The following FOCAD variants were observed in gnomAD, a reference collection of about 807,000 sequenced individuals.
FOCAD encodes KIAA1797.
In FOCAD, 198 loss-of-function variants were observed where a neutral mutation model predicts 225.6. The ratio of observed to expected loss-of-function variants is 0.88; its 90% CI spans 0.78 to 0.99. FOCAD has a LOEUF of 0.99. Ranked by LOEUF, FOCAD falls within the 50% of genes least tolerant of loss-of-function variation. The pLI is 0.00. For synonymous variants in FOCAD, 897 were observed against 755.0 expected (o/e 1.19, Z -3.08); for missense variants, 2,713 against 2,123.6 (o/e 1.28, Z -5.46).
At chr9:20,871,635 C>T (rs1017300886) in intron 18 of FOCAD, among the ~76,000 whole-genome samples, 2 of 149,930 alleles carry the variant, frequency 1.3e-5, no homozygotes, top group Non-Finnish European at 3.0e-5. Flanking sequence ...TCCCAAATAA[C>T]CTATGGAAAT....
chr9:20,863,695 G>A (rs1587437235), intron 16 of FOCAD: 2 of 152,184 alleles, frequency 1.3e-5, no homozygotes, highest in South Asian at 4.1e-4. Context: ...TATGGCTGCA[G>A]TTCACAGGCA....
At chr9:20,670,779 G>T (rs940400534) in intron 2 of FOCAD, among the ~76,000 whole-genome samples, 1 of 152,098 alleles carries the variant, frequency 6.6e-6, no homozygotes, top group Non-Finnish European at 1.5e-5. Flanking sequence ...TCACAGAGTT[G>T]GTTAACGTCT....
intron 2 of FOCAD, among the ~76,000 whole-genome samples, chr9:20,679,136 T>TGA (rs2131295343): frequency 1.2e-5 from 1 of 85,052 alleles, no homozygotes; most frequent in East Asian, 2.9e-4. Flanking sequence ...TGTGTGTGTG[T>TGA]GTGTGTGTGT....
intron 35 of FOCAD, among the ~76,000 whole-genome samples, chr9:20,967,445 G>C (rs75338369): frequency 0.018 from 2,794 of 151,994 alleles, 95 homozygotes; most frequent in African/African-American, 0.061. Context: ...CTCTATATAG[G>C]ATCATATCAT....
chr9:20,970,459 T>C (rs2132536592), intron 35 of FOCAD, among the ~76,000 whole-genome samples: 1 of 152,246 alleles, frequency 6.6e-6, no homozygotes, highest in South Asian at 2.1e-4. Flanking sequence ...AAGTCTGCTA[T>C]TTAATCCCTC....
At chr9:20,811,527 A>G (rs1332570618) in intron 11 of FOCAD, among the ~76,000 whole-genome samples, 1 of 152,020 alleles carries the variant, frequency 6.6e-6, no homozygotes, top group Non-Finnish European at 1.5e-5. Flanking sequence ...CCTTGACCTT[A>G]TTTGACTCTT....
intron 35 of FOCAD, among the ~76,000 whole-genome samples, chr9:20,972,483 GCT>G (rs1839851981): frequency 6.6e-6 from 1 of 151,584 alleles, no homozygotes; most frequent in African/African-American, 2.4e-5. Flanking sequence ...ATTTTTATAT[GCT>G]CTCTTTTTTT....
At chr9:20,717,262 C>T (rs1825411916) in intron 2 of FOCAD, among the ~76,000 whole-genome samples, 1 of 152,152 alleles carries the variant, frequency 6.6e-6, no homozygotes, top group Non-Finnish European at 1.5e-5. Flanking sequence ...CAGTTATTCA[C>T]AGCTATACCG....
At chr9:20,717,938 T>G (rs937703350) in intron 3 of FOCAD, 70 bp downstream of exon 3, 16 of 1,188,600 alleles carry the variant, frequency 1.3e-5, no homozygotes, top group Non-Finnish European at 1.9e-5. Context: ...CATATGCACC[T>G]GTCTTGTTTC....
chr9:20,741,116 A>G (rs748975827), intron 5 of FOCAD, among the ~76,000 whole-genome samples: 1 of 152,210 alleles, frequency 6.6e-6, no homozygotes, highest in Non-Finnish European at 1.5e-5. Flanking sequence ...AAAGAAGGGC[A>G]TTGATTCATG....
intron 5 of FOCAD, among the ~76,000 whole-genome samples, chr9:20,743,536 G>C (rs1034151585): frequency 1.3e-5 from 2 of 152,154 alleles, no homozygotes; most frequent in African/African-American, 4.8e-5. Context: ...GTTAGGCGGT[G>C]GTTTCCCTTA....
At chr9:20,734,229 C>G (rs770229708) in intron 4 of FOCAD, among the ~76,000 whole-genome samples, 4 of 152,024 alleles carry the variant, frequency 2.6e-5, no homozygotes, top group Non-Finnish European at 4.4e-5. Flanking sequence ...TGGAAGGACT[C>G]AGGGCTAATA....
At chr9:20,753,014 C>G (rs1258852541) in intron 5 of FOCAD, among the ~76,000 whole-genome samples, 2 of 151,568 alleles carry the variant, frequency 1.3e-5, no homozygotes, top group Admixed American at 6.6e-5. Flanking sequence ...GATTTTGTAT[C>G]CTGAGACTTT....
rs1467983088 is a variant in FOCAD at position 20,720,446 on chromosome 9, T to C, written c.199T>C (p.Cys67Arg). ...CAATGTAGTGGTTCGAACAGCCTGC[T>C]GTGAAGGTCTGGTGGCACTCGTTGC... ...SDNVVVRTAC[C>R]EGLVALVAQD... is the part of the protein sequence containing the mutation. The change falls in exon 4 of 44, where the codon TGT (cysteine) becomes CGT (arginine). Residue 67 changes from cysteine (C) to arginine (R), a missense_variant. Physicochemically the swap from Cys to Arg is radical, Grantham distance 180. Transcript: ENST00000338382. 5 of 1,614,062 alleles carry C rather than the reference T, an allele frequency of 3.1e-6. No homozygotes were observed. The highest frequency in any genetic ancestry group is 2.7e-5 in the African/African-American group (2 of 74,948).
chr9:20,829,873 G>C (rs1382888835), intron 15 of FOCAD, among the ~76,000 whole-genome samples: 2 of 152,042 alleles, frequency 1.3e-5, no homozygotes, highest in Admixed American at 1.3e-4. Flanking sequence ...AGCATCTCTT[G>C]ATTTACTGAG....
intron 26 of FOCAD, among the ~76,000 whole-genome samples, chr9:20,926,715 A>G (rs1342156736): frequency 1.3e-5 from 2 of 151,774 alleles, no homozygotes; most frequent in Non-Finnish European, 2.9e-5. Flanking sequence ...CCCGGGAGGC[A>G]GAGGTAATGG....
rs144701421 is a variant in FOCAD, at chr9:20,749,373, C to G, written c.393-8717C>G. ...AGCTTATGTGGGAAGGATAAAGATG[C>G]ATTTGTCTTAAAATTGTGTTGTAGG... On this transcript the variant is annotated intron_variant, in intron 5 of 43. Transcript: ENST00000338382. Among the ~76,000 whole-genome samples, 6 of 152,172 alleles carry G rather than the reference C, an allele frequency of 3.9e-5. No homozygotes were observed. The East Asian group carries it at 1.2e-3, about 29-fold the overall frequency.
intron 8 of FOCAD, among the ~76,000 whole-genome samples, chr9:20,774,148 C>G (rs193032810): frequency 1.1e-3 from 170 of 152,230 alleles, no homozygotes; most frequent in African/African-American, 3.8e-3. Flanking sequence ...ATTCCCTGCC[C>G]CAGGTGTGTG....
rs200357200 is a variant in FOCAD at position 20,759,392 on chromosome 9, T to C, written c.494+1201T>C. Among the ~76,000 whole-genome samples, 7 of 152,158 alleles carry C rather than the reference T, an allele frequency of 4.6e-5. No individual in the cohort carries two copies. The East Asian group carries it at 7.7e-4, about 17-fold the overall frequency. ...TAGATCAATGGAACAGAACAGAGCC[T>C]TCAGAAATAACGCCGCATATCTACA... is the stretch of plus-strand genomic sequence containing the variant. On this transcript the variant is annotated intron_variant, in intron 6 of 43. Transcript: ENST00000338382.
Sources: allele counts gnomAD v4.1 joint callset (sites outside exome capture counted in the v4.1 genomes callset), GRCh38; gene constraint gnomAD v4.1.1; transcripts MANE v1.5; gene names NCBI Gene and HGNC (gene_info 2026-07-23, HGNC 2026-07-21).